The following VASP variants were observed in gnomAD, a reference collection of about 807,000 sequenced individuals.
The protein encoded by VASP is vasodilator stimulated phosphoprotein, also known as vasodilator-stimulated phosphoprotein.
A neutral mutation model predicts 54.4 loss-of-function variants in VASP; 27 were observed. The ratio of observed to expected loss-of-function variants is 0.50; its 90% CI spans 0.37 to 0.68. The LOEUF (loss-of-function observed/expected upper bound fraction) is 0.68. VASP is among the 30% of genes least tolerant of loss of function. The pLI is 0.00. For missense variants in VASP, 488 were observed against 528.3 expected (o/e 0.92, Z 0.75); for synonymous variants, 233 against 209.8 (o/e 1.11, Z -0.96).
chr19:45,525,350 G>C (rs1429060889), intron 11 of VASP, among the ~76,000 whole-genome samples: 1 of 152,128 alleles, frequency 6.6e-6, no homozygotes, highest in Non-Finnish European at 1.5e-5. Flanking sequence ...GATCACCTGA[G>C]GTCAGGGGTT....
chr19:45,517,243 T>C (rs1050791992), intron 1 of VASP, among the ~76,000 whole-genome samples: 1 of 151,858 alleles, frequency 6.6e-6, no homozygotes, highest in African/African-American at 2.4e-5. Context: ...TCCTCCTGCC[T>C]CAACCTCCAA....
At position 45,522,506 on chromosome 19, in the gene VASP, C is replaced by A; in HGVS notation, c.645C>A (p.Gly215=). The part of the protein sequence containing the change: ...PPAPPLPAAQ[G]PGGGGAGAPG... Reference sequence around the variant, plus strand: ...CACCCCCTCTCCCGGCAGCACAGGGCCCTGGTGGTGGGGGAGCTGGGGCCC... The same window carrying A: ...CACCCCCTCTCCCGGCAGCACAGGGACCTGGTGGTGGGGGAGCTGGGGCCC... Residue 215 remains glycine (G), a synonymous_variant, in exon 6 of 13, where the codon GGC becomes GGA. Coordinates refer to ENST00000245932, the MANE Select transcript of VASP (RefSeq NM_003370.4). 6.9e-7 allele frequency: 1 copy of A among 1,459,710 alleles called. No homozygotes were observed. The allele number at this position is 1,459,710 out of a possible 1,614,324, so 90.4% of individuals were successfully genotyped here.
Position 45,522,416 on chromosome 19 carries a change from C to T in VASP, c.555C>T (p.Pro185=). 1.3e-6 allele frequency: 2 copies of T among 1,528,046 alleles called. No individual in the cohort carries two copies. Among genetic ancestry groups the T allele is most frequent in the Non-Finnish European group, 1.8e-6 (2 of 1,136,430 alleles). The allele number at this position is 1,528,046 out of a possible 1,614,324, so 94.7% of individuals were successfully genotyped here. ...CCCCTCCTCCAGGTCCCCCCCCACC[C>T]CCAGGTTTGCCCCCTTCGGGGGTCC... The part of the protein sequence containing the change: ...GPPPPPGPPP[P]PGLPPSGVPA... Residue 185 remains proline, a synonymous_variant, in exon 6 of 13, where the codon CCC becomes CCT. Transcript: ENST00000245932.
intron 1 of VASP, among the ~76,000 whole-genome samples, chr19:45,511,830 CTTATGCCTGTAA>C (rs1461539879): frequency 6.6e-6 from 1 of 152,230 alleles, no homozygotes; most frequent in Non-Finnish European, 1.5e-5. Flanking sequence ...GGCCTGGTGG[CTTATGCCTGTAA>C]TCCCAGCACT....
intron 1 of VASP, among the ~76,000 whole-genome samples, chr19:45,516,067 C>A (rs1044609969): frequency 5.9e-5 from 9 of 152,298 alleles, no homozygotes; most frequent in African/African-American, 2.2e-4. Flanking sequence ...CTAAGTCAGA[C>A]GTTGCCTTTT....
intron 1 of VASP, among the ~76,000 whole-genome samples, chr19:45,508,599 C>G (rs1487166238): frequency 6.6e-6 from 1 of 152,114 alleles, no homozygotes; most frequent in East Asian, 1.9e-4. Flanking sequence ...ACTCACCTGT[C>G]GAGACAGCTG....
In VASP at chr19:45,526,211, C is replaced by T. The variant is rs768067345; in HGVS notation, c.*34C>T. ...ACCCAGAAGACCCGCTTCTCCTTTC[C>T]GCACACCCGGCCTGTCACCCTGCTT... On this transcript the variant is annotated 3_prime_UTR_variant, in exon 13 of 13. Coordinates refer to ENST00000245932, the MANE Select transcript of VASP (RefSeq NM_003370.4). 49 of 1,590,374 alleles carry T rather than the reference C, an allele frequency of 3.1e-5. No homozygotes were observed. Among genetic ancestry groups the T allele is most frequent in the Non-Finnish European group, 3.7e-5 (43 of 1,173,256 alleles).
At chr19:45,509,623 T>G (rs932814731) in intron 1 of VASP, among the ~76,000 whole-genome samples, 2 of 152,184 alleles carry the variant, frequency 1.3e-5, no homozygotes, top group Non-Finnish European at 2.9e-5. Context: ...GTGGGGGTGC[T>G]GGGGTGGGGT....
chr19:45,512,406 A>AG (rs1329547069), intron 1 of VASP, among the ~76,000 whole-genome samples: 2 of 149,694 alleles, frequency 1.3e-5, no homozygotes, highest in East Asian at 4.0e-4. Flanking sequence ...CTCCTGCCTC[A>AG]CCTCCTGAGT....
intron 1 of VASP, among the ~76,000 whole-genome samples, chr19:45,517,347 CT>C (rs1344753533): frequency 3.3e-5 from 5 of 149,748 alleles, no homozygotes; most frequent in African/African-American, 4.9e-5. Flanking sequence ...TCTGCCCATC[CT>C]TTTTCCCCAC....
Position 45,522,461 on chromosome 19 carries a change from AG to A in VASP, c.605del (p.Gly202GlufsTer66). On this transcript the variant is annotated frameshift_variant, in exon 6 of 13. Coordinates refer to ENST00000245932, the MANE Select transcript of VASP (RefSeq NM_003370.4). LOFTEE classifies it high-confidence loss of function. ...GGGTCCCAGCTGCAGCGCACGGAGC[AG>A]GGGGAGGACCACCCCCTGCACCCCC... Reference protein sequence around the residue: ...SGVPAAAHGAGGGPPPAPPLP... With the variant: ...SGVPAAAHGAXGGPPPAPPLP... 6.7e-7 allele frequency: 1 copy of A among 1,484,084 alleles called. No individual in the cohort carries two copies. The allele number at this position is 1,484,084 out of a possible 1,614,324, so 91.9% of individuals were successfully genotyped here. A position where few individuals can be genotyped will look rare whatever the true frequency, so the allele number is the denominator to read the frequency against.
chr19:45,525,842 C>T (rs1968950205), intron 11 of VASP, 104 bp from the exon 12 acceptor site: 1 of 1,176,164 alleles, frequency 8.5e-7, no homozygotes, highest in Non-Finnish European at 1.2e-6. Context: ...GCACCCTAGC[C>T]TGGGCAACAG....
rs57892194 is a variant in VASP at position 45,519,894 on chromosome 19, CTTTTT to C, written c.344-1404_344-1400del. Among the ~76,000 whole-genome samples, 358 of 50,958 alleles carry C rather than the reference CTTTTT, an allele frequency of 7.0e-3. 3 individuals are homozygous for C. Among genetic ancestry groups the C allele is most frequent in the Middle Eastern group, 0.038 (1 of 26 alleles). The allele number at this position is 50,958 out of a possible 152,430, so 33.4% of individuals were successfully genotyped here. On this transcript the variant is annotated intron_variant, in intron 3 of 12. Coordinates refer to ENST00000245932, the MANE Select transcript of VASP (RefSeq NM_003370.4). Reference sequence around the variant, plus strand: ...ACAGGCGTGAGCCACTGCGCCCGGCCTTTTTTTTTTTTTTTTTTTTTTTTTTTTAA... The same window carrying C: ...ACAGGCGTGAGCCACTGCGCCCGGCCTTTTTTTTTTTTTTTTTTTTTTTAA...
At position 45,524,136 on chromosome 19, in the gene VASP, T is replaced by A; in HGVS notation, c.950T>A (p.Leu317Ter). ...RRPWEKNSTT[L>*]PRMKSSSSVT... ...CCCTGGGAGAAGAACAGCACAACCT[T>A]GCCAAGGTAGGCCATCGGTCCTGGG... The change falls in exon 10 of 13, where the codon TTG (leucine) becomes TAG (stop). Residue 317 changes from leucine to a stop codon, truncating the protein, a stop_gained. Transcript: ENST00000245932. LOFTEE classifies it high-confidence loss of function. 1 of 1,613,536 alleles carries A rather than the reference T, an allele frequency of 6.2e-7. No individual in the cohort carries two copies. The highest frequency in any genetic ancestry group is 8.5e-7 in the Non-Finnish European group (1 of 1,179,982).
chr19:45,524,341 T>A, intron 10 of VASP, 199 bp downstream of exon 10: 2 of 699,060 alleles, frequency 2.9e-6, no homozygotes, highest in Admixed American at 4.8e-5. Flanking sequence ...AGTTGAGGCC[T>A]CAGCGAGCCA....
chr19:45,521,380 C>T lies in VASP; in HGVS notation c.402C>T (p.Ser134=), dbSNP rs750775859. The change falls in exon 4 of 13, where the codon TCC becomes TCT. Residue 134 remains serine, a synonymous_variant. Transcript: ENST00000245932. ...LPTWSVPNGP[S]PEEVEQQKRQ... ...CCTGGTCGGTCCCGAACGGCCCCTC[C>T]CCGGAGGAGGTGGAGCAGCAGAAAA... 3 of 1,576,880 alleles carry T rather than the reference C, an allele frequency of 1.9e-6. No individual in the cohort carries two copies. The highest frequency in any genetic ancestry group is 4.6e-5 in the East Asian group (2 of 43,390).
chr19:45,521,216 G>A, intron 3 of VASP, 106 bp from the exon 4 acceptor site: 1 of 1,140,688 alleles, frequency 8.8e-7, no homozygotes, highest in Non-Finnish European at 1.3e-6. Context: ...GAGGAAGTGA[G>A]CGCCTCTGGG....
In VASP at chr19:45,524,661, G is replaced by C; in HGVS notation, c.1047+1G>C. Reference sequence around the variant, plus strand: ...CTCGGACCTACAGAGGGTGAAACAGGTAACTTGGGGGGGAAGTTGGGGACC... The same window carrying C: ...CTCGGACCTACAGAGGGTGAAACAGCTAACTTGGGGGGGAAGTTGGGGACC... On this transcript the variant is annotated splice_donor_variant, in intron 11 of 12. Transcript: ENST00000245932. LOFTEE classifies it high-confidence loss of function. 2.5e-6 allele frequency: 4 copies of C among 1,613,652 alleles called. No individual in the cohort carries two copies. The highest frequency in any genetic ancestry group is 3.4e-6 in the Non-Finnish European group (4 of 1,179,768).
At chr19:45,514,191 C>A (rs1159049752) in intron 1 of VASP, among the ~76,000 whole-genome samples, 1 of 152,054 alleles carries the variant, frequency 6.6e-6, no homozygotes, top group African/African-American at 2.4e-5. Context: ...ATGTGTCTGG[C>A]CTGCGGGAAG....
Sources: allele counts gnomAD v4.1 joint callset (sites outside exome capture counted in the v4.1 genomes callset), GRCh38; gene constraint gnomAD v4.1.1; transcripts MANE v1.5; gene names NCBI Gene and HGNC (gene_info 2026-07-23, HGNC 2026-07-21).